Variants in DPP10 observed in about 807,000 individuals in gnomAD.
The protein encoded by DPP10 is dipeptidyl peptidase like 10, also known as inactive dipeptidyl peptidase 10.
Under a neutral mutation model 120.9 loss-of-function variants are expected in DPP10, and 33 were observed. The observed-to-expected ratio is 0.27, with a 90% confidence interval of 0.21 to 0.37. The LOEUF (loss-of-function observed/expected upper bound fraction) is 0.37. Among genes scored for constraint, DPP10 ranks in the 10% least tolerant of loss-of-function variants. The pLI is 1.00. For missense variants in DPP10, 816 were observed against 942.8 expected (o/e 0.87, Z 1.76); for synonymous variants, 337 against 326.1 (o/e 1.03, Z -0.36).
chr2:114,781,528 G>A (rs1191900145), intron 1 of DPP10, among the ~76,000 whole-genome samples: 3 of 152,068 alleles, frequency 2.0e-5, no homozygotes, highest in Admixed American at 6.6e-5. Flanking sequence ...TTCATTGATA[G>A]CAACATCACA....
At chr2:114,750,746 G>C (rs1209386255) in intron 1 of DPP10, among the ~76,000 whole-genome samples, 3 of 144,074 alleles carry the variant, frequency 2.1e-5, no homozygotes, top group African/African-American at 7.8e-5. Flanking sequence ...TGGCTGGCTG[G>C]CTTTCAGGAA....
intron 19 of DPP10, among the ~76,000 whole-genome samples, chr2:115,791,667 T>C (rs919701220): frequency 2.0e-5 from 3 of 152,224 alleles, no homozygotes; most frequent in Non-Finnish European, 4.4e-5. Context: ...CAGTTGTTTA[T>C]GCAACATTGT....
intron 1 of DPP10, among the ~76,000 whole-genome samples, chr2:115,183,010 C>G (rs905834268): frequency 8.8e-6 from 1 of 113,600 alleles, no homozygotes; most frequent in East Asian, 4.5e-4. Flanking sequence ...AATATTTACA[C>G]GCACACACAC....
At chr2:115,612,280 A>G (rs910822232) in intron 5 of DPP10, among the ~76,000 whole-genome samples, 3 of 152,182 alleles carry the variant, frequency 2.0e-5, no homozygotes, top group Non-Finnish European at 1.5e-5. Context: ...GCTATTTGCC[A>G]GAAATATTTC....
chr2:115,399,973 G>A (rs1390256787), intron 3 of DPP10, among the ~76,000 whole-genome samples: 1 of 152,140 alleles, frequency 6.6e-6, no homozygotes, highest in African/African-American at 2.4e-5. Flanking sequence ...GAGGTCTCAT[G>A]AAGCCTCCAA....
intron 1 of DPP10, among the ~76,000 whole-genome samples, chr2:115,265,867 C>A (rs113870224): frequency 0.061 from 9,282 of 151,684 alleles, 336 homozygotes; most frequent in Middle Eastern, 0.11. Context: ...TTGCTTGAAC[C>A]CGGGAGGTTG....
At chr2:115,177,985 G>T (rs1175452346) in intron 1 of DPP10, among the ~76,000 whole-genome samples, 1 of 152,080 alleles carries the variant, frequency 6.6e-6, no homozygotes, top group Admixed American at 6.5e-5. Flanking sequence ...GGATGATCTC[G>T]ATCTCCTGAC....
intron 1 of DPP10, among the ~76,000 whole-genome samples, chr2:114,451,078 A>T (rs1340455924): frequency 6.6e-6 from 1 of 151,030 alleles, no homozygotes; most frequent in Non-Finnish European, 1.5e-5. Flanking sequence ...GTATTTAAAG[A>T]TCGGCCCTTT....
chr2:115,230,979 T>C (rs185707591), intron 1 of DPP10, among the ~76,000 whole-genome samples: 7 of 152,046 alleles, frequency 4.6e-5, no homozygotes, highest in African/African-American at 1.7e-4. Flanking sequence ...AAGGTGAACC[T>C]ATGGAGTACA....
chr2:115,501,909 T>C (rs1226547643), intron 4 of DPP10, among the ~76,000 whole-genome samples: 1 of 152,056 alleles, frequency 6.6e-6, no homozygotes, highest in Non-Finnish European at 1.5e-5. Flanking sequence ...TGCTGGTTTT[T>C]CTGTGAGCAA....
chr2:115,440,596 A>C (rs1192739894), intron 3 of DPP10, among the ~76,000 whole-genome samples: 1 of 152,200 alleles, frequency 6.6e-6, no homozygotes, highest in African/African-American at 2.4e-5. Flanking sequence ...CTCGGCCCCG[A>C]GGAAGGGGCT....
At chr2:115,433,202 T>C (rs1388197452) in intron 3 of DPP10, among the ~76,000 whole-genome samples, 2 of 152,120 alleles carry the variant, frequency 1.3e-5, no homozygotes, top group Non-Finnish European at 2.9e-5. Context: ...TTATAAATGT[T>C]TCATGGGCTA....
intron 1 of DPP10, among the ~76,000 whole-genome samples, chr2:114,540,837 A>T (rs1274998920): frequency 6.6e-6 from 1 of 152,056 alleles, no homozygotes; most frequent in Non-Finnish European, 1.5e-5. Context: ...CACTCCTAAA[A>T]CCATACATAA....
At chr2:114,491,156 T>C (rs1278983315) in intron 1 of DPP10, among the ~76,000 whole-genome samples, 2 of 152,196 alleles carry the variant, frequency 1.3e-5, no homozygotes, top group African/African-American at 4.8e-5. Flanking sequence ...TACTCATGTT[T>C]TTCAATTTAA....
intron 1 of DPP10, among the ~76,000 whole-genome samples, chr2:114,745,273 G>A (rs1163105290): frequency 6.6e-6 from 1 of 152,194 alleles, no homozygotes; most frequent in Non-Finnish European, 1.5e-5. Flanking sequence ...GAAACATGTG[G>A]ATGGAGGAGG....
At chr2:115,074,534 G>T (rs1707630882) in intron 1 of DPP10, among the ~76,000 whole-genome samples, 2 of 152,164 alleles carry the variant, frequency 1.3e-5, no homozygotes, top group African/African-American at 2.4e-5. Flanking sequence ...GGACAAACAA[G>T]CAAGTTTCCT....
intron 1 of DPP10, among the ~76,000 whole-genome samples, chr2:114,791,889 T>C (rs1683278903): frequency 6.6e-6 from 1 of 152,240 alleles, no homozygotes; most frequent in Non-Finnish European, 1.5e-5. Flanking sequence ...GATAAAATGC[T>C]ATATATCTGT....
intron 3 of DPP10, among the ~76,000 whole-genome samples, chr2:115,455,230 C>T (rs1331569929): frequency 6.6e-6 from 1 of 151,766 alleles, no homozygotes; most frequent in Non-Finnish European, 1.5e-5. Context: ...TGGCAATTCT[C>T]CCAAAATTGA....
At chr2:114,980,225 T>C (rs896015996) in intron 1 of DPP10, among the ~76,000 whole-genome samples, 8 of 152,158 alleles carry the variant, frequency 5.3e-5, no homozygotes, top group Admixed American at 1.3e-4. Context: ...AGACAGCCTA[T>C]ATGTGAGGAC....
Sources: gnomAD v4.1 joint callset for allele counts (sites outside exome capture counted in the v4.1 genomes callset) on GRCh38, gnomAD v4.1.1 for gene constraint, MANE v1.5 for transcripts, NCBI Gene and HGNC (gene_info 2026-07-23, HGNC 2026-07-21) for gene names.